The following RIPOR2 variants were observed in gnomAD, a reference collection of about 807,000 sequenced individuals.
The protein encoded by RIPOR2 is rho family-interacting cell polarization regulator 2.
Under a neutral mutation model 114.5 loss-of-function variants are expected in RIPOR2, and 39 were observed. The observed-to-expected ratio is 0.34, with a 90% confidence interval of 0.26 to 0.44. The LOEUF is 0.44. Ranked by LOEUF, RIPOR2 falls within the 20% of genes least tolerant of loss-of-function variation. The pLI, the probability that RIPOR2 is intolerant of heterozygous loss-of-function variation, is 1.00. For missense variants in RIPOR2, 1,007 were observed against 1,255.1 expected, an observed-to-expected ratio of 0.80 and a Z score of 2.99; for synonymous variants, 445 against 484.4, an observed-to-expected ratio of 0.92 and a Z score of 1.07.
chr6:25,042,053 TTTCTTA>T, upstream of RIPOR2: 1 of 456,746 alleles, frequency 2.2e-6, no homozygotes, highest in Non-Finnish European at 3.6e-6. Context: ...TTTTTGTTCT[TTTCTTA>T]AAAAAAAAAA....
rs78624124 is a variant in RIPOR2 at position 24,953,646 on chromosome 6, G to T, written c.77-77829C>A. Among the ~76,000 whole-genome samples, 399 of 152,310 alleles carry T rather than the reference G, an allele frequency of 2.6e-3. 3 individuals carry two copies. Among genetic ancestry groups the T allele is most frequent in the African/African-American group, 7.6e-3 (317 of 41,578 alleles). On this transcript the variant is annotated intron_variant, in intron 1 of 13. Coordinates refer to the RIPOR2 transcript ENST00000510784. ...CCCTCATCCTTCTCTGCTGAAGCGG[G>T]TCACAAGGCTTTCATTTGAGAAGTA...
intron 1 of RIPOR2, among the ~76,000 whole-genome samples, chr6:24,971,839 A>G (rs1173942582): frequency 6.6e-6 from 1 of 152,270 alleles, no homozygotes; most frequent in Non-Finnish European, 1.5e-5. Flanking sequence ...ATCAGCAAAT[A>G]TAGTTATGAC....
intron 1 of RIPOR2, among the ~76,000 whole-genome samples, chr6:25,028,937 A>C (rs776481299): frequency 6.6e-6 from 1 of 152,204 alleles, no homozygotes; most frequent in South Asian, 2.1e-4. Flanking sequence ...GACTGAGAGA[A>C]GGCACCATTG....
chr6:24,959,695 T>C (rs1773214341), intron 1 of RIPOR2, among the ~76,000 whole-genome samples: 1 of 152,222 alleles, frequency 6.6e-6, no homozygotes, highest in Admixed American at 6.5e-5. Flanking sequence ...TTGGTAAATT[T>C]TGGAAGAAGG....
chr6:24,920,616 C>T (rs185126582), intron 1 of RIPOR2, among the ~76,000 whole-genome samples: 7 of 152,286 alleles, frequency 4.6e-5, no homozygotes, highest in Admixed American at 1.3e-4. Context: ...TATGTATATG[C>T]TGCTTTATAG....
intron 1 of RIPOR2, chr6:24,876,966 T>G (rs1165874966): frequency 1.0e-6 from 1 of 985,186 alleles, no homozygotes; most frequent in East Asian, 1.1e-4. Flanking sequence ...TCTTAGCAGG[T>G]GACTTCAATC....
intron 1 of RIPOR2, among the ~76,000 whole-genome samples, chr6:24,926,570 C>T (rs1770872302): frequency 6.6e-6 from 1 of 152,142 alleles, no homozygotes; most frequent in African/African-American, 2.4e-5. Context: ...CCAGAGGTAC[C>T]TCTATATTTT....
At chr6:24,977,225 T>C (rs1307132751) in intron 1 of RIPOR2, among the ~76,000 whole-genome samples, 1 of 152,084 alleles carries the variant, frequency 6.6e-6, no homozygotes, top group Non-Finnish European at 1.5e-5. Context: ...TCACTGCATA[T>C]ATATAGAATG....
chr6:24,830,196 C>A (rs1478205285), intron 17 of RIPOR2, among the ~76,000 whole-genome samples: 1 of 152,130 alleles, frequency 6.6e-6, no homozygotes, highest in South Asian at 2.1e-4. Context: ...GAACTCCTGA[C>A]CTCAGGTGAT....
Position 24,840,043 on chromosome 6 carries a change from G to A in RIPOR2, c.1858-771C>T, listed in dbSNP as rs546400816. On this transcript the variant is annotated intron_variant, in intron 13 of 21. Transcript: ENST00000643898. ...CAGCTCACTGCAGCCTCAATCTCCCGGGCTTAAGCAATCCTCTCACCTTAG... is the reference window on the plus strand; with the variant it reads ...CAGCTCACTGCAGCCTCAATCTCCCAGGCTTAAGCAATCCTCTCACCTTAG... 461 of 818,236 alleles carry A rather than the reference G, an allele frequency of 5.6e-4. No homozygotes were observed. The Middle Eastern group carries it at 5.7e-3, about 10-fold the overall frequency. 50.7% of individuals were successfully genotyped at this position (818,236 alleles called of 1,614,324 possible). A position where few individuals can be genotyped will look rare whatever the true frequency, so the allele number is the denominator to read the frequency against.
At chr6:24,854,664 G>A (rs1763266520) in intron 8 of RIPOR2, among the ~76,000 whole-genome samples, 1 of 152,022 alleles carries the variant, frequency 6.6e-6, no homozygotes, top group Non-Finnish European at 1.5e-5. Context: ...CATAAAAATA[G>A]GTAAAAATCT....
rs1234685415 is a variant in RIPOR2 at position 25,029,431 on chromosome 6, AAAG to A, written c.76+12417_76+12419del. Among the ~76,000 whole-genome samples, 8 of 151,290 alleles carry A rather than the reference AAAG, an allele frequency of 5.3e-5. No homozygotes were observed. In the South Asian group the frequency reaches 8.4e-4, roughly 16 times the overall value. The stretch of plus-strand genomic sequence containing the variant: ...AAAAAGAAAAAAAAAAAAAAAAAAA[AAAG>A]AAGAAGAAGTAATGAAAAAAGGGGT... On this transcript the variant is annotated intron_variant, in intron 1 of 13. Transcript: ENST00000510784.
chr6:24,885,812 A>G (rs936725538), intron 1 of RIPOR2, among the ~76,000 whole-genome samples: 6 of 152,178 alleles, frequency 3.9e-5, no homozygotes, highest in African/African-American at 1.4e-4. Flanking sequence ...AATAATAAGG[A>G]ATTTTCTCAA....
chr6:24,824,763 TG>T (rs1272762829), intron 19 of RIPOR2, among the ~76,000 whole-genome samples: 9 of 152,186 alleles, frequency 5.9e-5, no homozygotes, highest in Non-Finnish European at 1.2e-4. Context: ...CACACACATA[TG>T]TTCACCATAA....
chr6:24,887,257 G>A (rs2747680), intron 1 of RIPOR2, among the ~76,000 whole-genome samples: 34,431 of 152,084 alleles, frequency 0.23, 4,380 homozygotes, highest in African/African-American at 0.35. Flanking sequence ...CACCGTGAGA[G>A]GGGGTACCAG....
chr6:24,852,105 CA>C (rs1056067613), intron 9 of RIPOR2, among the ~76,000 whole-genome samples: 2 of 151,650 alleles, frequency 1.3e-5, no homozygotes, highest in Non-Finnish European at 2.9e-5. Context: ...ACTAAAAATA[CA>C]AAAAAATTAG....
chr6:24,977,043 C>G, intron 1 of RIPOR2: 6 of 1,404,672 alleles, frequency 4.3e-6, no homozygotes, highest in Non-Finnish European at 5.9e-6. Flanking sequence ...GAGAGCACCC[C>G]TCCACCCCAT....
chr6:24,934,114 G>C (rs1034342349), intron 1 of RIPOR2, among the ~76,000 whole-genome samples: 7 of 152,086 alleles, frequency 4.6e-5, no homozygotes, highest in Admixed American at 3.3e-4. Flanking sequence ...TGGGCGTTTT[G>C]GAATGCCATT....
intron 1 of RIPOR2, among the ~76,000 whole-genome samples, chr6:25,036,045 A>T (rs572949414): frequency 6.6e-6 from 1 of 152,162 alleles, no homozygotes; most frequent in East Asian, 1.9e-4. Context: ...TCGAAGTCCC[A>T]CAGCCCCAAC....
Sources: allele counts gnomAD v4.1 joint callset (sites outside exome capture counted in the v4.1 genomes callset), GRCh38; gene constraint gnomAD v4.1.1; transcripts MANE v1.5; gene names NCBI Gene and HGNC (gene_info 2026-07-23, HGNC 2026-07-21).